RAB3C: variants seen among roughly 807,000 people sequenced by gnomAD.
The protein encoded by RAB3C is ras-related protein Rab-3C.
A neutral mutation model predicts 26.4 loss-of-function variants in RAB3C; 17 were observed. That is an observed-to-expected ratio of 0.64 (90% CI 0.44 to 0.97). The LOEUF (loss-of-function observed/expected upper bound fraction) is 0.97, where lower values mean the gene tolerates loss of function less well. RAB3C is among the 50% of genes least tolerant of loss of function. RAB3C has a pLI of 0.00. For missense variants in RAB3C, 242 were observed against 281.9 expected (o/e 0.86, Z 1.01); for synonymous variants, 91 against 95.9 (o/e 0.95, Z 0.30).
At chr5:58,672,507 A>C (rs542629184) in intron 2 of RAB3C, among the ~76,000 whole-genome samples, 69 of 152,318 alleles carry the variant, frequency 4.5e-4, no homozygotes, top group Non-Finnish European at 7.4e-4. Flanking sequence ...TATGTCCAGC[A>C]TTCCCATCTT....
chr5:58,827,710 T>C (rs1457296359), intron 4 of RAB3C, among the ~76,000 whole-genome samples: 1 of 152,192 alleles, frequency 6.6e-6, no homozygotes, highest in Non-Finnish European at 1.5e-5. Flanking sequence ...AACCCAGCTG[T>C]TGTCATAGCA....
chr5:58,667,212 A>G (rs1748020490), intron 2 of RAB3C, among the ~76,000 whole-genome samples: 1 of 152,208 alleles, frequency 6.6e-6, no homozygotes, highest in African/African-American at 2.4e-5. Context: ...TTGCCCAGTT[A>G]TAAAATTTGA....
Position 58,754,712 on chromosome 5 carries a change from C to A in RAB3C, c.371+28592C>A, listed in dbSNP as rs191393685. 1.9e-3 allele frequency among the ~76,000 whole-genome samples: 290 copies of A among 152,304 alleles called. 2 individuals are homozygous for A. Among genetic ancestry groups the A allele is most frequent in the African/African-American group, 6.7e-3 (277 of 41,564 alleles). The stretch of plus-strand genomic sequence containing the variant: ...AACAAATGTTTATATCGTGCGCAAT[C>A]TCTTCATACTTTATGCTTTCTTGAA... On this transcript the variant is annotated intron_variant, in intron 3 of 4. Transcript: ENST00000282878.
At chr5:58,582,414 G>A (rs1439745673), upstream of RAB3C, 1 of 985,332 alleles carries the variant, frequency 1.0e-6, no homozygotes, top group Admixed American at 6.1e-5. Context: ...TGTATGGAAA[G>A]GTAAGCAGGC....
intron 3 of RAB3C, among the ~76,000 whole-genome samples, chr5:58,804,467 C>T (rs1303054131): frequency 6.6e-6 from 1 of 152,186 alleles, no homozygotes; most frequent in African/African-American, 2.4e-5. Context: ...ATGAGCAAGC[C>T]ACTCAGGACT....
Position 58,656,603 on chromosome 5 carries a change from T to G in RAB3C, c.252+38733T>G, listed in dbSNP as rs114251941. 2.9e-3 allele frequency among the ~76,000 whole-genome samples: 442 copies of G among 152,274 alleles called. 3 individuals carry two copies. Among genetic ancestry groups the G allele is most frequent in the African/African-American group, 0.01 (419 of 41,546 alleles). ...TTTTAATATCTCGCCTCAAATAACA[T>G]AAACATGTTTATAAAGTAGAAATAC... On this transcript the variant is annotated intron_variant, in intron 2 of 4. Transcript: ENST00000282878.
chr5:58,692,135 A>G (rs765293951), intron 2 of RAB3C, among the ~76,000 whole-genome samples: 1 of 152,218 alleles, frequency 6.6e-6, no homozygotes, highest in African/African-American at 2.4e-5. Flanking sequence ...ATGTATAGTC[A>G]CAGCAATGAA....
At chr5:58,630,750 C>A (rs902122409) in intron 2 of RAB3C, among the ~76,000 whole-genome samples, 3 of 152,182 alleles carry the variant, frequency 2.0e-5, no homozygotes, top group African/African-American at 4.8e-5. Flanking sequence ...ACTTTAGGAA[C>A]CTTCAGACCA....
intron 3 of RAB3C, among the ~76,000 whole-genome samples, chr5:58,781,986 A>C (rs767266978): frequency 1.3e-5 from 2 of 152,066 alleles, no homozygotes; most frequent in Admixed American, 6.6e-5. Flanking sequence ...TTACTTTTTA[A>C]AAATTTTTGT....
rs1012555390 is a variant in RAB3C at position 58,705,813 on chromosome 5, T to C, written c.253-20189T>C. On this transcript the variant is annotated intron_variant, in intron 2 of 4. Transcript: ENST00000282878. ...CTTTGCTTCCTAACCTTATTTAACT[T>C]GTTTCTGGAAATGAAGCAAATTAAA... Among the ~76,000 whole-genome samples the C allele has an allele frequency of 6.6e-5, 10 of 152,288 alleles. No individual in the cohort carries two copies. The Middle Eastern group carries it at 0.01, about 155-fold the overall frequency.
At chr5:58,620,122 G>A (rs1476136846) in intron 2 of RAB3C, among the ~76,000 whole-genome samples, 8 of 151,700 alleles carry the variant, frequency 5.3e-5, no homozygotes, top group Non-Finnish European at 8.8e-5. Context: ...TCAGGCCTGG[G>A]ACCTCATTCT....
intron 3 of RAB3C, among the ~76,000 whole-genome samples, chr5:58,746,381 CA>C (rs1741404250): frequency 6.6e-6 from 1 of 152,144 alleles, no homozygotes; most frequent in Non-Finnish European, 1.5e-5. Context: ...GAACATCACT[CA>C]GGGGAGAGAG....
chr5:58,753,673 C>T (rs1741583454), intron 3 of RAB3C, among the ~76,000 whole-genome samples: 1 of 152,156 alleles, frequency 6.6e-6, no homozygotes, highest in Non-Finnish European at 1.5e-5. Context: ...CCCCCACCTA[C>T]CAGCCCTGTC....
intron 3 of RAB3C, among the ~76,000 whole-genome samples, chr5:58,734,351 C>T (rs1339660817): frequency 6.6e-6 from 1 of 152,162 alleles, no homozygotes; most frequent in South Asian, 2.1e-4. Flanking sequence ...GCTTTCTAAT[C>T]TAGCTCAAGG....
At chr5:58,766,196 C>T (rs1288536434) in intron 3 of RAB3C, among the ~76,000 whole-genome samples, 1 of 151,450 alleles carries the variant, frequency 6.6e-6, no homozygotes, top group East Asian at 1.9e-4. Context: ...CACCTCACTG[C>T]AACCTCCACC....
chr5:58,842,853 A>G (rs1193061172), intron 4 of RAB3C, among the ~76,000 whole-genome samples: 2 of 152,226 alleles, frequency 1.3e-5, no homozygotes, highest in Non-Finnish European at 2.9e-5. Context: ...AGACCTCGAG[A>G]AGAATTTCTT....
intron 2 of RAB3C, among the ~76,000 whole-genome samples, chr5:58,658,768 G>A (rs1298017447): frequency 1.3e-5 from 2 of 152,166 alleles, no homozygotes; most frequent in Admixed American, 6.5e-5. Context: ...TGTCTGGGCA[G>A]TGGAGCAATA....
At chr5:58,684,069 A>G (rs947825320) in intron 2 of RAB3C, among the ~76,000 whole-genome samples, 3 of 152,214 alleles carry the variant, frequency 2.0e-5, no homozygotes, top group African/African-American at 4.8e-5. Flanking sequence ...CCAACCAACC[A>G]TGAACTGAAA....
rs186785471 is a variant in RAB3C, at chr5:58,604,364, G to A, written c.25-13279G>A. On this transcript the variant is annotated intron_variant, in intron 1 of 4. Transcript: ENST00000282878. Reference sequence around the variant, plus strand: ...GGGACCGGCGGTAGGCGGGGCCTTAGACCTCCCAAGATTATATGCCCTTTG... The same window carrying A: ...GGGACCGGCGGTAGGCGGGGCCTTAAACCTCCCAAGATTATATGCCCTTTG... Among the ~76,000 whole-genome samples, 1,255 of 152,286 alleles carry A rather than the reference G, an allele frequency of 8.2e-3. 15 individuals are homozygous for A. Among genetic ancestry groups the A allele is most frequent in the Non-Finnish European group, 0.011 (717 of 68,014 alleles).
Sources: gnomAD v4.1 joint callset for allele counts (sites outside exome capture counted in the v4.1 genomes callset) on GRCh38, gnomAD v4.1.1 for gene constraint, MANE v1.5 for transcripts, NCBI Gene and HGNC (gene_info 2026-07-23, HGNC 2026-07-21) for gene names.